The following DPY19L1 variants were observed in gnomAD, a reference collection of about 807,000 sequenced individuals.
The protein encoded by DPY19L1 is protein C-mannosyl-transferase DPY19L1.
In DPY19L1, 35 loss-of-function variants were observed where a neutral mutation model predicts 96.9. The ratio of observed to expected loss-of-function variants is 0.36; its 90% CI spans 0.28 to 0.48. The LOEUF (loss-of-function observed/expected upper bound fraction) is 0.48, where lower values mean the gene tolerates loss of function less well. DPY19L1 is among the 20% of genes least tolerant of loss of function. The pLI, the probability that DPY19L1 is intolerant of heterozygous loss-of-function variation, is 0.99. For synonymous variants in DPY19L1, 205 were observed against 252.6 expected, an observed-to-expected ratio of 0.81 and a Z score of 1.79; for missense variants, 521 against 777.9, an observed-to-expected ratio of 0.67 and a Z score of 3.93.
intron 10 of DPY19L1, among the ~76,000 whole-genome samples, chr7:34,961,196 A>G (rs1562807423): frequency 6.6e-6 from 1 of 152,196 alleles, no homozygotes; most frequent in East Asian, 1.9e-4. Context: ...AGCCAACTCA[A>G]TACCAAAGAA....
chr7:35,014,034 G>C (rs1343382185), intron 3 of DPY19L1, among the ~76,000 whole-genome samples: 1 of 152,150 alleles, frequency 6.6e-6, no homozygotes, highest in Admixed American at 6.5e-5. Context: ...CTTATGAATA[G>C]AGTGAGTGGT....
chr7:35,008,502 T>C (rs1367894984), intron 6 of DPY19L1, among the ~76,000 whole-genome samples: 1 of 152,244 alleles, frequency 6.6e-6, no homozygotes. Context: ...AAAATGTGAA[T>C]GCTTTAACGG....
chr7:34,981,371 T>C (rs73098784), intron 7 of DPY19L1, among the ~76,000 whole-genome samples: 33,139 of 152,124 alleles, frequency 0.22, 4,247 homozygotes, highest in Non-Finnish European at 0.29. Flanking sequence ...CCATTTGCAA[T>C]GGCTAATGTA....
chr7:34,973,054 G>T (rs12701402), intron 8 of DPY19L1, among the ~76,000 whole-genome samples: 50,104 of 151,662 alleles, frequency 0.33, 8,889 homozygotes, highest in African/African-American at 0.46. Context: ...GCCCCCATTT[G>T]GTTTCCTTTT....
rs745677695 is a variant in DPY19L1, at chr7:34,945,642, A to G, written c.1544+25T>C. On this transcript the variant is annotated intron_variant, in intron 16 of 21. Transcript: ENST00000638088. ...ATTTAATAAATGAACAGAGGAGGTAATAAAATTCTTAATAGCATATTTACC... is the reference window on the plus strand; with the variant it reads ...ATTTAATAAATGAACAGAGGAGGTAGTAAAATTCTTAATAGCATATTTACC... 37 of 1,512,138 alleles carry G rather than the reference A, an allele frequency of 2.4e-5. 1 individual carries two copies. The South Asian group carries it at 4.3e-4, about 18-fold the overall frequency. The allele number at this position is 1,512,138 out of a possible 1,614,324, so 93.7% of individuals were successfully genotyped here.
intron 6 of DPY19L1, among the ~76,000 whole-genome samples, chr7:34,992,624 G>A (rs936086351): frequency 6.7e-6 from 1 of 148,622 alleles, no homozygotes; most frequent in African/African-American, 2.5e-5. Flanking sequence ...ATGGCTCACT[G>A]CAGCCTCGAA....
intron 21 of DPY19L1, among the ~76,000 whole-genome samples, chr7:34,933,265 C>T (rs1783795089): frequency 6.6e-6 from 1 of 152,188 alleles, no homozygotes; most frequent in Non-Finnish European, 1.5e-5. Context: ...AAAGTGTACC[C>T]AATGTGTAGT....
chr7:35,022,859 C>G (rs1020792103), intron 1 of DPY19L1, among the ~76,000 whole-genome samples: 2 of 152,208 alleles, frequency 1.3e-5, no homozygotes, highest in Non-Finnish European at 2.9e-5. Context: ...CTACAGGCAG[C>G]CAGCTCCCTG....
chr7:34,972,588 G>A (rs1784746282), intron 8 of DPY19L1, among the ~76,000 whole-genome samples: 1 of 152,138 alleles, frequency 6.6e-6, no homozygotes, highest in Non-Finnish European at 1.5e-5. Flanking sequence ...CTGTAGTGGT[G>A]AATCAAAGAC....
At chr7:35,010,347 T>C (rs1164571676) in intron 6 of DPY19L1, 121 bp downstream of exon 6, 1 of 621,526 alleles carries the variant, frequency 1.6e-6, no homozygotes. Flanking sequence ...AATTTTATGA[T>C]AATAAGATAT....
At chr7:34,931,771 T>A in intron 21 of DPY19L1, 42 bp from the exon 22 acceptor site, 1 of 1,553,340 alleles carries the variant, frequency 6.4e-7, no homozygotes. Flanking sequence ...ATATGCATTA[T>A]ATAACTGCAG....
intron 3 of DPY19L1, 145 bp from the exon 4 acceptor site, chr7:35,013,850 A>G: frequency 1.8e-6 from 1 of 556,902 alleles, no homozygotes; most frequent in Non-Finnish European, 2.9e-6. Flanking sequence ...GATCACTGAT[A>G]AATCCTAAAG....
At chr7:34,965,914 C>T (rs972565490) in intron 10 of DPY19L1, among the ~76,000 whole-genome samples, 1 of 152,126 alleles carries the variant, frequency 6.6e-6, no homozygotes, top group Admixed American at 6.5e-5. Context: ...CTTTGTTCTA[C>T]TCCCCTTCTC....
chr7:34,996,336 A>AAC (rs1484939845), intron 6 of DPY19L1, among the ~76,000 whole-genome samples: 2 of 152,104 alleles, frequency 1.3e-5, no homozygotes, highest in Non-Finnish European at 2.9e-5. Context: ...CTCTGACCCA[A>AAC]ACACCACACT....
intron 1 of DPY19L1, among the ~76,000 whole-genome samples, chr7:35,028,760 TTA>T (rs1318470027): frequency 6.6e-6 from 1 of 152,208 alleles, no homozygotes; most frequent in East Asian, 1.9e-4. Flanking sequence ...TATTTTTTGA[TTA>T]TATGCTAAAC....
intron 16 of DPY19L1, among the ~76,000 whole-genome samples, chr7:34,945,278 A>G (rs978885987): frequency 6.6e-6 from 1 of 152,076 alleles, no homozygotes; most frequent in African/African-American, 2.4e-5. Flanking sequence ...TTCATCTGAA[A>G]TTTATTTTCT....
At position 34,972,724 on chromosome 7, in the gene DPY19L1, A is replaced by T. The variant is rs148543023; in HGVS notation, c.914+790T>A. Among the ~76,000 whole-genome samples, 704 of 152,284 alleles carry T rather than the reference A, an allele frequency of 4.6e-3. 10 individuals carry two copies. The highest frequency in any genetic ancestry group is 0.016 in the African/African-American group (648 of 41,562). On this transcript the variant is annotated intron_variant, in intron 8 of 21. Transcript: ENST00000638088. ...AGGTTCACCTTATTTGAAGGTGCTA[A>T]AGAAGTTTTAAACCCTATAAAAGAG... is the stretch of plus-strand genomic sequence containing the variant.
chr7:35,013,877 T>C (rs1438370272), intron 3 of DPY19L1, among the ~76,000 whole-genome samples, 172 bp from the exon 4 acceptor site: 2 of 152,218 alleles, frequency 1.3e-5, no homozygotes, highest in East Asian at 1.9e-4. Context: ...AAAAACTATG[T>C]ATTTTCACAT....
chr7:35,004,049 G>A (rs181792221), intron 6 of DPY19L1, among the ~76,000 whole-genome samples: 1 of 152,304 alleles, frequency 6.6e-6, no homozygotes, highest in African/African-American at 2.4e-5. Context: ...ATCACTTCAA[G>A]AACCATAAAC....
Sources: allele counts gnomAD v4.1 joint callset (sites outside exome capture counted in the v4.1 genomes callset), GRCh38; gene constraint gnomAD v4.1.1; transcripts MANE v1.5; gene names NCBI Gene and HGNC (gene_info 2026-07-23, HGNC 2026-07-21).